Variants in PFKFB4 observed in about 807,000 individuals in gnomAD.
PFKFB4 encodes the protein 6-phosphofructo-2-kinase/fructose-2,6-bisphosphatase 4.
In PFKFB4, 42 loss-of-function variants were observed where a neutral mutation model predicts 62.8. That is an observed-to-expected ratio of 0.67 (90% CI 0.52 to 0.86). PFKFB4 has a LOEUF of 0.86. Ranked by LOEUF, PFKFB4 falls within the 40% of genes least tolerant of loss-of-function variation. The pLI is 0.00. For missense variants in PFKFB4, 475 were observed against 627.2 expected (o/e 0.76, Z 2.59); for synonymous variants, 204 against 240.7 (o/e 0.85, Z 1.41).
At position 48,550,246 on chromosome 3, in the gene PFKFB4, G is replaced by A; in HGVS notation, c.98-12C>T. ...GTTGGTCATGCACACTAAAAGGCAA[G>A]CAGCACAGTGTCAGATGAGGGCTGG... On this transcript the variant is annotated splice_polypyrimidine_tract_variant and intron_variant, in intron 1 of 13. Transcript: ENST00000232375. 1 of 1,568,540 alleles carries A rather than the reference G, an allele frequency of 6.4e-7. No individual in the cohort carries two copies. Among genetic ancestry groups the A allele is most frequent in the Middle Eastern group, 1.7e-4 (1 of 5,994 alleles).
At chr3:48,557,745 C>T (rs1467879209), upstream of PFKFB4, among the ~76,000 whole-genome samples, 2 of 152,120 alleles carry the variant, frequency 1.3e-5, no homozygotes, top group Admixed American at 1.3e-4. Context: ...CCACGTTGGC[C>T]GGGCTGGTCT....
chr3:48,539,540 G>T, intron 5 of PFKFB4, 157 bp downstream of exon 5: 1 of 743,954 alleles, frequency 1.3e-6, no homozygotes, highest in Non-Finnish European at 2.3e-6. Flanking sequence ...CCTCTGGAAA[G>T]CAAACCCCAA....
At chr3:48,561,233 G>C (rs530811818), upstream of PFKFB4, 127 of 429,452 alleles carry the variant, frequency 3.0e-4, no homozygotes, top group African/African-American at 2.5e-3. The surrounding 1 kb of genome is among the most constrained non-coding windows in gnomAD (Gnocchi z 5.2). Flanking sequence ...CGCCTCCCCA[G>C]CCCACTGTAG....
chr3:48,542,345 A>AG (rs1323541463), intron 4 of PFKFB4, among the ~76,000 whole-genome samples: 4 of 151,940 alleles, frequency 2.6e-5, no homozygotes, highest in African/African-American at 9.7e-5. Context: ...AAAAAAAAAA[A>AG]AAAGAAAGAA....
chr3:48,560,953 G>A, upstream of PFKFB4: 4 of 457,220 alleles, frequency 8.7e-6, no homozygotes, highest in South Asian at 2.8e-5. Context: ...CCTAAACCAG[G>A]AGAGACCCCC....
chr3:48,537,701 T>C (rs905875589), intron 7 of PFKFB4, among the ~76,000 whole-genome samples: 1 of 151,668 alleles, frequency 6.6e-6, no homozygotes, highest in Non-Finnish European at 1.5e-5. Context: ...ATTTTTGTAT[T>C]TTTTGTAGAG....
chr3:48,542,466 G>A (rs1390130310), intron 4 of PFKFB4, among the ~76,000 whole-genome samples: 1 of 152,086 alleles, frequency 6.6e-6, no homozygotes, highest in East Asian at 1.9e-4. Flanking sequence ...GATGGAGTGA[G>A]TTGCCAGAAA....
At chr3:48,533,337 CA>C in intron 9 of PFKFB4, among the ~76,000 whole-genome samples, 1 of 152,094 alleles carries the variant, frequency 6.6e-6, no homozygotes, top group Middle Eastern at 3.4e-3. Flanking sequence ...ACGTACACTT[CA>C]AAACAGCTAT....
chr3:48,554,465 G>A (rs1024739501), intron 1 of PFKFB4, among the ~76,000 whole-genome samples: 1 of 152,188 alleles, frequency 6.6e-6, no homozygotes, highest in African/African-American at 2.4e-5. Flanking sequence ...AGGAAAAAGT[G>A]CGGACCTAGA....
In PFKFB4 at chr3:48,519,578, C is replaced by A; in HGVS notation, c.*169G>T. The A allele has an allele frequency of 1.6e-6, 1 of 607,830 alleles. No individual in the cohort carries two copies. Among genetic ancestry groups the A allele is most frequent in the Non-Finnish European group, 2.9e-6 (1 of 339,146 alleles). 37.7% of individuals were successfully genotyped at this position (607,830 alleles called of 1,614,324 possible). On this transcript the variant is annotated 3_prime_UTR_variant, in exon 14 of 14. Coordinates refer to ENST00000232375, the MANE Select transcript of PFKFB4 (RefSeq NM_004567.4). ...CACGCACAACCTTGTCGCCGACTGT[C>A]AACAAAGAGCCAGGTGGGCTGGGGT...
At chr3:48,530,156 G>A (rs1358188504) in intron 9 of PFKFB4, among the ~76,000 whole-genome samples, 1 of 152,048 alleles carries the variant, frequency 6.6e-6, no homozygotes, top group African/African-American at 2.4e-5. Flanking sequence ...GGGAGGCTGA[G>A]GCACGAGAAT....
At chr3:48,557,109 A>G (rs2043347787), upstream of PFKFB4, 1 of 508,556 alleles carries the variant, frequency 2.0e-6, no homozygotes, top group African/African-American at 2.0e-5. Context: ...CCCGCCCCGG[A>G]TGCGCAAACT....
chr3:48,537,990 C>T (rs760230528), intron 7 of PFKFB4, among the ~76,000 whole-genome samples: 4 of 152,174 alleles, frequency 2.6e-5, no homozygotes, highest in Non-Finnish European at 5.9e-5. Flanking sequence ...CCAGCCACTG[C>T]CCCATGTGTT....
intron 3 of PFKFB4, among the ~76,000 whole-genome samples, chr3:48,545,580 G>A (rs969296747): frequency 6.6e-6 from 1 of 152,062 alleles, no homozygotes; most frequent in Non-Finnish European, 1.5e-5. Context: ...TGAGTCCAGG[G>A]CACTGAAAAG....
At position 48,536,454 on chromosome 3, in the gene PFKFB4, G is replaced by C; in HGVS notation, c.642C>G (p.Ser214=). The C allele has an allele frequency of 1.2e-6, 2 of 1,608,960 alleles. No individual in the cohort carries two copies. The highest frequency in any genetic ancestry group is 1.7e-6 in the Non-Finnish European group (2 of 1,175,476). Residue 214 remains serine, a synonymous_variant, in exon 8 of 14, where the codon TCC becomes TCG. Transcript: ENST00000232375. ...GGCCCACATCCATGATCTTGATATA[G>C]GACAGGTCCCTGTCCAGAGAGAAAG... is the stretch of plus-strand genomic sequence containing the variant. ...SLDEDLDRDL[S]YIKIMDVGQS...
In PFKFB4 at chr3:48,538,488, C is replaced by T. The variant is rs373269442; in HGVS notation, c.632+10G>A. 6.2e-7 allele frequency: 1 copy of T among 1,613,498 alleles called. No individual in the cohort carries two copies. The highest frequency in any genetic ancestry group is 1.3e-5 in the African/African-American group (1 of 74,908). ...TCACAGCTGCAGGGCCTGGCGCTGC[C>T]CTGACTCACCTATCCAGGTCCTCAT... On this transcript the variant is annotated intron_variant, in intron 7 of 13. Transcript: ENST00000232375.
chr3:48,548,469 C>T (rs2107578039), intron 3 of PFKFB4: 1 of 152,218 alleles, frequency 6.6e-6, no homozygotes, highest in Middle Eastern at 3.4e-3. Context: ...CACACACACA[C>T]ACAAATAATA....
intron 4 of PFKFB4, 131 bp downstream of exon 4, chr3:48,543,449 A>G (rs998509260): frequency 2.9e-5 from 23 of 802,956 alleles, no homozygotes; most frequent in Non-Finnish European, 4.6e-5. Flanking sequence ...ACTTCCTCCC[A>G]AGGGCTGGCA....
upstream of PFKFB4, chr3:48,562,421 G>A: frequency 3.6e-6 from 1 of 276,780 alleles, no homozygotes; most frequent in Non-Finnish European, 6.9e-6. This position sits in a 1 kb window ranked among gnomAD's most constrained non-coding sequence, Gnocchi z 4.3. Context: ...CTGTGACTAT[G>A]GGGCACCCAG....
Sources: allele counts gnomAD v4.1 joint callset (sites outside exome capture counted in the v4.1 genomes callset), GRCh38; gene constraint gnomAD v4.1.1; non-coding constraint Gnocchi (gnomAD v3.1); transcripts MANE v1.5; gene names NCBI Gene and HGNC (gene_info 2026-07-23, HGNC 2026-07-21).